The following SLC25A26 variants were observed in gnomAD, a reference collection of about 807,000 sequenced individuals.
The protein encoded by SLC25A26 is mitochondrial S-adenosylmethionine carrier protein.
Under a neutral mutation model 37.8 loss-of-function variants are expected in SLC25A26, and 36 were observed. The ratio of observed to expected loss-of-function variants is 0.95; its 90% CI spans 0.73 to 1.26. The LOEUF (loss-of-function observed/expected upper bound fraction) is 1.26. Ranked by LOEUF, SLC25A26 falls within the 50% of genes most tolerant of loss-of-function variation. The pLI is 0.00. For synonymous variants in SLC25A26, 129 were observed against 122.5 expected (o/e 1.05, Z -0.35); for missense variants, 390 against 331.1 (o/e 1.18, Z -1.38).
chr3:66,231,455 T>G (rs1367199653), intron 1 of SLC25A26, among the ~76,000 whole-genome samples: 1 of 152,124 alleles, frequency 6.6e-6, no homozygotes, highest in Non-Finnish European at 1.5e-5. Context: ...AAATAAAAAA[T>G]TAACAAGGTT....
At chr3:66,365,251 T>C (rs1559742317) in intron 7 of SLC25A26, among the ~76,000 whole-genome samples, 1 of 152,242 alleles carries the variant, frequency 6.6e-6, no homozygotes, top group Non-Finnish European at 1.5e-5. Flanking sequence ...CCATGTGCTT[T>C]TCCAAGTTTA....
chr3:66,352,289 C>G (rs1269762118), intron 6 of SLC25A26, among the ~76,000 whole-genome samples: 1 of 151,984 alleles, frequency 6.6e-6, no homozygotes. Flanking sequence ...AAAAATAAAC[C>G]CAGAGCTTAA....
At chr3:66,356,104 A>C (rs1361403114) in intron 6 of SLC25A26, 2 of 456,192 alleles carry the variant, frequency 4.4e-6, no homozygotes, top group Non-Finnish European at 4.4e-6. Flanking sequence ...TGTTCACTGG[A>C]GCCAAAACAG....
At chr3:66,333,777 T>C (rs973941569) in intron 5 of SLC25A26, among the ~76,000 whole-genome samples, 11 of 152,176 alleles carry the variant, frequency 7.2e-5, no homozygotes, top group Admixed American at 2.6e-4. Context: ...TAGTTTATGG[T>C]CCTTGTTCTA....
At chr3:66,274,965 G>A (rs13097304) in intron 5 of SLC25A26, among the ~76,000 whole-genome samples, 6,149 of 151,930 alleles carry the variant, frequency 0.04, 318 homozygotes, top group Admixed American at 0.15. Flanking sequence ...TGTTTATTGC[G>A]GCACTATTCA....
At chr3:66,295,269 G>A (rs964587567) in intron 5 of SLC25A26, among the ~76,000 whole-genome samples, 3 of 152,148 alleles carry the variant, frequency 2.0e-5, no homozygotes, top group Non-Finnish European at 4.4e-5. Context: ...TTTTGGCTGG[G>A]CTGGAGTGCA....
chr3:66,147,015 T>C, intron 1 of SLC25A26, among the ~76,000 whole-genome samples: 1 of 150,984 alleles, frequency 6.6e-6, no homozygotes, highest in Non-Finnish European at 1.5e-5. Context: ...TCATTCCCTT[T>C]TATGGCTGAG....
chr3:66,135,380 C>A (rs867300411), intron 1 of SLC25A26, among the ~76,000 whole-genome samples: 5 of 152,196 alleles, frequency 3.3e-5, no homozygotes, highest in African/African-American at 7.2e-5. Context: ...TTTGAAGCGG[C>A]CTTAAAGTTC....
At chr3:66,236,410 G>T in intron 1 of SLC25A26, 134 bp from the exon 2 acceptor site, 1 of 545,178 alleles carries the variant, frequency 1.8e-6, no homozygotes, top group South Asian at 6.3e-5. Flanking sequence ...CCTTTGTGCC[G>T]CAGAAGTTGT....
chr3:66,254,909 G>A (rs1392835751), intron 3 of SLC25A26, among the ~76,000 whole-genome samples: 2 of 152,172 alleles, frequency 1.3e-5, no homozygotes, highest in Admixed American at 1.3e-4. Context: ...GTATTATTGG[G>A]GATACTTAGG....
chr3:66,277,772 A>G (rs2074206772), intron 5 of SLC25A26, among the ~76,000 whole-genome samples: 1 of 152,154 alleles, frequency 6.6e-6, no homozygotes, highest in Non-Finnish European at 1.5e-5. Context: ...ACCAGTAATA[A>G]GATTATATTA....
intron 1 of SLC25A26, among the ~76,000 whole-genome samples, chr3:66,209,323 C>G (rs1458558122): frequency 7.5e-6 from 1 of 133,930 alleles, no homozygotes; most frequent in African/African-American, 2.7e-5. Flanking sequence ...ACATATATAT[C>G]TATATGTATG....
intron 1 of SLC25A26, among the ~76,000 whole-genome samples, chr3:66,142,713 T>C (rs1479969579): frequency 1.3e-5 from 2 of 152,206 alleles, no homozygotes; most frequent in African/African-American, 4.8e-5. Context: ...GTTTTTCATT[T>C]AAAAAGTCTC....
chr3:66,364,442 A>T (rs2076781417), intron 7 of SLC25A26, among the ~76,000 whole-genome samples: 1 of 152,126 alleles, frequency 6.6e-6, no homozygotes, highest in South Asian at 2.1e-4. Context: ...GTATGGAGAA[A>T]GGGAGCGAGG....
intron 7 of SLC25A26, among the ~76,000 whole-genome samples, chr3:66,363,767 T>TTTG (rs952969996): frequency 2.0e-5 from 3 of 152,210 alleles, no homozygotes; most frequent in Admixed American, 6.5e-5. Flanking sequence ...AATGGTCATT[T>TTTG]TTGTTGTTGT....
chr3:66,331,903 C>T (rs929578959), intron 5 of SLC25A26, among the ~76,000 whole-genome samples: 1 of 152,038 alleles, frequency 6.6e-6, no homozygotes, highest in Non-Finnish European at 1.5e-5. Context: ...TTTCCCCACA[C>T]CCAGCCAAAA....
chr3:66,222,397 G>A (rs1000395128), intron 1 of SLC25A26, among the ~76,000 whole-genome samples: 4 of 152,140 alleles, frequency 2.6e-5, no homozygotes, highest in African/African-American at 9.7e-5. Context: ...AGCCAGGATG[G>A]TCTCGATCTC....
intron 1 of SLC25A26, among the ~76,000 whole-genome samples, chr3:66,207,177 G>T (rs2071192292): frequency 6.6e-6 from 1 of 151,984 alleles, no homozygotes; most frequent in Admixed American, 6.6e-5. Context: ...AGACCCAAAT[G>T]CTACCCAAGT....
At chr3:66,355,078 T>TC (rs1428768812) in intron 6 of SLC25A26, among the ~76,000 whole-genome samples, 3 of 151,712 alleles carry the variant, frequency 2.0e-5, no homozygotes, top group African/African-American at 7.3e-5. Flanking sequence ...AGAATAAATA[T>TC]CCCCCCACAT....
Sources: gnomAD v4.1 joint callset for allele counts (sites outside exome capture counted in the v4.1 genomes callset) on GRCh38, gnomAD v4.1.1 for gene constraint, MANE v1.5 for transcripts, NCBI Gene and HGNC (gene_info 2026-07-23, HGNC 2026-07-21) for gene names.